Variants in ZMIZ1 observed in about 807,000 individuals in gnomAD.
ZMIZ1 encodes the protein zinc finger MIZ-type containing 1, also known as zinc finger MIZ domain-containing protein 1.
A neutral mutation model predicts 113.9 loss-of-function variants in ZMIZ1; 17 were observed. That is an observed-to-expected ratio of 0.15 (90% CI 0.10 to 0.22). ZMIZ1 has a LOEUF of 0.22. ZMIZ1 is among the 10% of genes least tolerant of loss of function. The pLI is 1.00. For missense variants in ZMIZ1, 1,059 were observed against 1,477.8 expected (o/e 0.72, Z 4.65); for synonymous variants, 607 against 603.1 (o/e 1.01, Z -0.09).
At chr10:79,108,563 G>A (rs60110124) in intron 1 of ZMIZ1, among the ~76,000 whole-genome samples, 10,282 of 152,094 alleles carry the variant, frequency 0.068, 926 homozygotes, top group African/African-American at 0.2. Flanking sequence ...GAGGGAGGCC[G>A]GACATATTGG....
intron 3 of ZMIZ1, among the ~76,000 whole-genome samples, chr10:79,160,673 C>T (rs894645977): frequency 1.2e-4 from 19 of 152,370 alleles, no homozygotes; most frequent in African/African-American, 4.1e-4. Flanking sequence ...TGCCTCTTAT[C>T]GAGGCCCTGG....
chr10:79,121,465 G>T (rs1253841160), intron 2 of ZMIZ1, among the ~76,000 whole-genome samples: 1 of 152,236 alleles, frequency 6.6e-6, no homozygotes, highest in Non-Finnish European at 1.5e-5. Flanking sequence ...CTTGCAAATA[G>T]AAAGATAGGC....
intron 4 of ZMIZ1, among the ~76,000 whole-genome samples, chr10:79,174,309 G>A (rs1239632456): frequency 1.3e-5 from 2 of 152,220 alleles, no homozygotes; most frequent in African/African-American, 2.4e-5. Flanking sequence ...GGGAAGGGCC[G>A]TGACCAACTG....
rs1846502442 is a variant in ZMIZ1, at chr10:79,169,217, C to T, written c.-50+7084C>T. On this transcript the variant is annotated intron_variant, in intron 4 of 24. Transcript: ENST00000334512. ...TGCCAATAGCCCCTGCCAGTTTTCT[C>T]TGGTCCCTGGCCTCACCCAGACTTC... 1.3e-5 allele frequency among the ~76,000 whole-genome samples: 2 copies of T among 152,206 alleles called. 1 individual carries two copies. The highest frequency in any genetic ancestry group is 4.1e-4 in the South Asian group (2 of 4,834).
chr10:79,081,416 G>T (rs975184893), intron 1 of ZMIZ1, among the ~76,000 whole-genome samples: 3 of 152,220 alleles, frequency 2.0e-5, no homozygotes, highest in African/African-American at 7.2e-5. Context: ...AGACGTGGCA[G>T]TAGGCTGGGG....
intron 7 of ZMIZ1, among the ~76,000 whole-genome samples, chr10:79,252,408 G>A (rs1346736694): frequency 6.6e-6 from 1 of 152,018 alleles, no homozygotes; most frequent in Non-Finnish European, 1.5e-5. Flanking sequence ...GGCTTTCCTG[G>A]TCATCCCCTC....
chr10:79,256,352 C>T (rs1187195997), intron 7 of ZMIZ1, among the ~76,000 whole-genome samples: 6 of 152,166 alleles, frequency 3.9e-5, no homozygotes, highest in Non-Finnish European at 8.8e-5. Flanking sequence ...CTGGCACCCA[C>T]CCCACAGTAG....
At chr10:79,196,417 A>C (rs1847834486) in intron 4 of ZMIZ1, among the ~76,000 whole-genome samples, 1 of 152,156 alleles carries the variant, frequency 6.6e-6, no homozygotes, top group Non-Finnish European at 1.5e-5. Context: ...TGAACAAAAC[A>C]CTGATGGGCC....
chr10:79,130,612 C>T (rs1844718693), intron 2 of ZMIZ1, among the ~76,000 whole-genome samples: 2 of 152,140 alleles, frequency 1.3e-5, no homozygotes, highest in South Asian at 2.1e-4. Context: ...GGCAGGAAAG[C>T]GCCATGGTTG....
At chr10:79,125,201 C>T (rs192308972) in intron 2 of ZMIZ1, among the ~76,000 whole-genome samples, 1 of 152,218 alleles carries the variant, frequency 6.6e-6, no homozygotes, top group Non-Finnish European at 1.5e-5. Flanking sequence ...ACGATGGAGC[C>T]AGGTGCCACA....
At chr10:79,224,508 G>T (rs1849124207) in intron 7 of ZMIZ1, among the ~76,000 whole-genome samples, 1 of 152,070 alleles carries the variant, frequency 6.6e-6, no homozygotes, top group Admixed American at 6.5e-5. Flanking sequence ...ACAGAGCGGG[G>T]GTGTACACAA....
chr10:79,179,116 G>C (rs1228078585), intron 4 of ZMIZ1, among the ~76,000 whole-genome samples: 1 of 152,248 alleles, frequency 6.6e-6, no homozygotes, highest in Non-Finnish European at 1.5e-5. Flanking sequence ...TGGAGAAGAA[G>C]AGGGATGCTA....
At chr10:79,187,455 A>G (rs984013698) in intron 4 of ZMIZ1, among the ~76,000 whole-genome samples, 1 of 152,210 alleles carries the variant, frequency 6.6e-6, no homozygotes, top group Non-Finnish European at 1.5e-5. Context: ...TCTTCTGTGA[A>G]GTCTGAGCTG....
chr10:79,122,153 G>A (rs1165034699), intron 2 of ZMIZ1, among the ~76,000 whole-genome samples: 1 of 152,086 alleles, frequency 6.6e-6, no homozygotes, highest in Non-Finnish European at 1.5e-5. Flanking sequence ...GAGTTCACGT[G>A]CAGGCGCCAC....
At chr10:79,097,783 T>C (rs184286320) in intron 1 of ZMIZ1, among the ~76,000 whole-genome samples, 10 of 152,228 alleles carry the variant, frequency 6.6e-5, no homozygotes, top group East Asian at 1.9e-4. Context: ...GCTCACAGCA[T>C]ATGTGGTCTT....
chr10:79,314,587 C>T lies in ZMIZ1; in HGVS notation c.*1838C>T, dbSNP rs147173129. The stretch of plus-strand genomic sequence containing the variant: ...AATATCTTTGTGAATATTTTAGTAT[C>T]GTCTTTGATAATATTCAACATTTTC... On this transcript the variant is annotated 3_prime_UTR_variant, in exon 25 of 25. Coordinates refer to ENST00000334512, the MANE Select transcript of ZMIZ1 (RefSeq NM_020338.4). The T allele has an allele frequency of 5.3e-5, 13 of 246,508 alleles. No homozygotes were observed. In the East Asian group the frequency reaches 1.1e-3, roughly 20 times the overall value. The allele number at this position is 246,508 out of a possible 1,614,324, so 15.3% of individuals were successfully genotyped here. A position where few individuals can be genotyped will look rare whatever the true frequency, so the allele number is the denominator to read the frequency against.
At chr10:79,220,866 C>T (rs1848936585) in intron 7 of ZMIZ1, among the ~76,000 whole-genome samples, 1 of 120,062 alleles carries the variant, frequency 8.3e-6, no homozygotes, top group African/African-American at 3.1e-5. Flanking sequence ...GTCTGCATGG[C>T]TGTGCACATG....
chr10:79,136,422 C>T (rs764600366), intron 2 of ZMIZ1, among the ~76,000 whole-genome samples: 4 of 152,188 alleles, frequency 2.6e-5, no homozygotes, highest in African/African-American at 9.7e-5. Flanking sequence ...TGTTTCCTGC[C>T]GAGATCTTGG....
At chr10:79,236,696 G>T (rs770173832) in intron 7 of ZMIZ1, among the ~76,000 whole-genome samples, 5 of 152,146 alleles carry the variant, frequency 3.3e-5, no homozygotes, top group Non-Finnish European at 7.3e-5. Flanking sequence ...CCTAGGCTCC[G>T]GGCAGGGCAG....
Sources: gnomAD v4.1 joint callset for allele counts (sites outside exome capture counted in the v4.1 genomes callset) on GRCh38, gnomAD v4.1.1 for gene constraint, MANE v1.5 for transcripts, NCBI Gene and HGNC (gene_info 2026-07-23, HGNC 2026-07-21) for gene names.